Variants in SEZ6 observed in about 807,000 individuals in gnomAD.
SEZ6 encodes seizure protein 6 homolog.
A neutral mutation model predicts 101.0 loss-of-function variants in SEZ6; 53 were observed. The observed-to-expected ratio is 0.52, with a 90% confidence interval of 0.42 to 0.66. The LOEUF is 0.66. Ranked by LOEUF, SEZ6 falls within the 30% of genes least tolerant of loss-of-function variation. The probability of loss-of-function intolerance (pLI) is 0.00; values close to 1 mark genes in which losing one functional copy is unlikely to be tolerated. For missense variants in SEZ6, 1,102 were observed against 1,289.4 expected (o/e 0.85, Z 2.23); for synonymous variants, 488 against 512.2 (o/e 0.95, Z 0.64).
At chr17:28,988,101 C>G (rs554637165) in intron 1 of SEZ6, among the ~76,000 whole-genome samples, 2 of 152,370 alleles carry the variant, frequency 1.3e-5, no homozygotes, top group South Asian at 4.1e-4. Context: ...AGGAACTTCT[C>G]ATCGTCAGAA....
At chr17:29,000,732 A>G (rs2152693737) in intron 1 of SEZ6, among the ~76,000 whole-genome samples, 1 of 152,174 alleles carries the variant, frequency 6.6e-6, no homozygotes, top group East Asian at 1.9e-4. Flanking sequence ...GATGACATGG[A>G]TTCATCCTTC....
At chr17:28,980,523 C>A (rs1322453022) in intron 2 of SEZ6, among the ~76,000 whole-genome samples, 2 of 152,074 alleles carry the variant, frequency 1.3e-5, no homozygotes, top group Non-Finnish European at 2.9e-5. Context: ...GCACCCCCCA[C>A]TACGCCCGGC....
intron 10 of SEZ6, 67 bp from the exon 11 acceptor site, chr17:28,958,208 G>A: frequency 2.0e-6 from 3 of 1,524,602 alleles, no homozygotes; most frequent in Non-Finnish European, 2.7e-6. Flanking sequence ...CCCTCACCTT[G>A]AGGGCACTCT....
In SEZ6 at chr17:28,981,404, T is replaced by A; in HGVS notation, c.691A>T (p.Ile231Phe). The A allele has an allele frequency of 6.4e-7, 1 of 1,553,400 alleles. No individual in the cohort carries two copies. The highest frequency in any genetic ancestry group is 8.7e-7 in the Non-Finnish European group (1 of 1,147,920). ...TGGACTGTGGTGATGGTGGTGGTGA[T>A]GATGGTGGTGGTAGTGGTGGTCTCC... ...DEETTTTTTI[I>F]TTTITTVQTP... The change falls in exon 2 of 17, where the codon ATC becomes TTC. Residue 231 changes from isoleucine (I) to phenylalanine (F), a missense_variant. By Grantham distance (21) the Ile-to-Phe change is conservative. Coordinates refer to ENST00000317338, the MANE Select transcript of SEZ6 (RefSeq NM_178860.5).
intron 1 of SEZ6, among the ~76,000 whole-genome samples, chr17:28,983,332 A>C (rs1277027567): frequency 6.6e-6 from 1 of 152,134 alleles, no homozygotes; most frequent in East Asian, 1.9e-4. Context: ...AGGGTGAAAA[A>C]CAGGTGTAGA....
At chr17:28,986,780 A>G (rs912590368) in intron 1 of SEZ6, among the ~76,000 whole-genome samples, 1 of 152,152 alleles carries the variant, frequency 6.6e-6, no homozygotes, top group Admixed American at 6.5e-5. Context: ...GGGGCTGCCC[A>G]CTCAAGCCTC....
chr17:28,989,543 G>C (rs2041429297), intron 1 of SEZ6, among the ~76,000 whole-genome samples: 2 of 152,140 alleles, frequency 1.3e-5, no homozygotes, highest in African/African-American at 4.8e-5. Flanking sequence ...TTAGAGATGA[G>C]GGTCAAGACC....
Position 28,957,212 on chromosome 17 carries a change from C to G in SEZ6, c.2525G>C (p.Ser842Thr), listed in dbSNP as rs986157324. 1 of 1,614,032 alleles carries G rather than the reference C, an allele frequency of 6.2e-7. No individual in the cohort carries two copies. Among genetic ancestry groups the G allele is most frequent in the Non-Finnish European group, 8.5e-7 (1 of 1,179,894 alleles). The stretch of plus-strand genomic sequence containing the variant: ...ACTTCGGGCACCATTCTCAGGGGCA[C>G]TGAGACCATGGCATGGCTTGAGCTG... ...LEQLKPCHGL[S>T]APENGARSPE... The change falls in exon 13 of 17, where the codon AGT becomes ACT. Residue 842 changes from serine to threonine, a missense_variant. Ser to Thr is a moderately conservative substitution (Grantham distance 58, BLOSUM62 1). Coordinates refer to ENST00000317338, the MANE Select transcript of SEZ6 (RefSeq NM_178860.5).
At chr17:28,997,718 G>A (rs997414624) in intron 1 of SEZ6, among the ~76,000 whole-genome samples, 17 of 151,658 alleles carry the variant, frequency 1.1e-4, no homozygotes, top group East Asian at 1.9e-4. Context: ...CCCCCACCCC[G>A]ATTTCCTTTG....
intron 5 of SEZ6, 64 bp from the exon 6 acceptor site, chr17:28,961,037 T>C (rs2040970597): frequency 2.6e-6 from 4 of 1,552,350 alleles, no homozygotes; most frequent in Non-Finnish European, 2.6e-6. Flanking sequence ...CTAACATGCC[T>C]TCCTCCCTAT....
At chr17:28,982,073 C>T in intron 1 of SEZ6, 34 bp from the exon 2 acceptor site, 1 of 1,537,138 alleles carries the variant, frequency 6.5e-7, no homozygotes, top group Non-Finnish European at 8.7e-7. Context: ...AGGTTCTCCC[C>T]CTGCTCCAGA....
chr17:28,988,881 C>T (rs1247681539), intron 1 of SEZ6, among the ~76,000 whole-genome samples: 5 of 152,198 alleles, frequency 3.3e-5, no homozygotes, highest in Admixed American at 2.0e-4. Flanking sequence ...GGTTGGGACT[C>T]AGGATGGGGC....
At position 28,959,088 on chromosome 17, in the gene SEZ6, A is replaced by G; in HGVS notation, c.2044T>C (p.Phe682Leu). The G allele has an allele frequency of 6.2e-7, 1 of 1,614,000 alleles. No individual in the cohort carries two copies. The highest frequency in any genetic ancestry group is 8.5e-7 in the Non-Finnish European group (1 of 1,179,874). The change falls in exon 10 of 17, where the codon TTC (phenylalanine) becomes CTC (leucine). Residue 682 changes from phenylalanine (F) to leucine (L), a missense_variant. Coordinates refer to ENST00000317338, the MANE Select transcript of SEZ6 (RefSeq NM_178860.5). The surrounding 1 kb of genome is among the most constrained non-coding windows in gnomAD (Gnocchi z 4.4). ...FTSMADVTIQFQSDPGTSVLG... is the reference protein window; with the variant it reads ...FTSMADVTIQLQSDPGTSVLG... Reference sequence around the variant, plus strand: ...ACTGAGGTCCCGGGGTCCGACTGGAACTGAATGGTGACATCAGCCATGGAG... The same window carrying G: ...ACTGAGGTCCCGGGGTCCGACTGGAGCTGAATGGTGACATCAGCCATGGAG...
intron 3 of SEZ6, among the ~76,000 whole-genome samples, chr17:28,978,354 CTG>C (rs2041254437): frequency 6.6e-6 from 1 of 152,238 alleles, no homozygotes; most frequent in East Asian, 1.9e-4. Context: ...ATTCTGGGCT[CTG>C]CACTACAAGG....
intron 4 of SEZ6, among the ~76,000 whole-genome samples, chr17:28,967,267 A>G (rs774846040): frequency 3.9e-5 from 6 of 152,164 alleles, no homozygotes; most frequent in Non-Finnish European, 7.4e-5. Flanking sequence ...TGTCTACAAT[A>G]TGCTTGGGAG....
Position 28,959,032 on chromosome 17 carries a change from G to T in SEZ6, c.2100C>A (p.His700Gln), listed in dbSNP as rs775600906. ...GGGTAGGGACAAGCTCACCAAAGAA[G>T]TGGATGACGAAGCCCTGCTGGTAGC... is the stretch of plus-strand genomic sequence containing the variant. ...VLGYQQGFVIHFFEVPRNDTC... is the reference protein window; with the variant it reads ...VLGYQQGFVIQFFEVPRNDTC... Residue 700 changes from histidine to glutamine, a missense_variant, in exon 10 of 17, where the codon CAC becomes CAA. Transcript: ENST00000317338. The surrounding 1 kb of genome is among the most constrained non-coding windows in gnomAD (Gnocchi z 4.4). The T allele has an allele frequency of 6.2e-7, 1 of 1,612,008 alleles. No homozygotes were observed. The highest frequency in any genetic ancestry group is 1.1e-5 in the South Asian group (1 of 90,816).
intron 4 of SEZ6, among the ~76,000 whole-genome samples, chr17:28,965,862 G>A (rs1186808317): frequency 1.3e-5 from 2 of 152,186 alleles, no homozygotes; most frequent in East Asian, 3.9e-4. Context: ...GGATCAACCC[G>A]GTGCAGTGGC....
chr17:28,983,821 C>T (rs564088352), intron 1 of SEZ6, among the ~76,000 whole-genome samples: 2 of 152,204 alleles, frequency 1.3e-5, no homozygotes, highest in African/African-American at 2.4e-5. Flanking sequence ...TTCCTCCGCA[C>T]GTCTGGTGGT....
At position 28,979,766 on chromosome 17, in the gene SEZ6, G is replaced by A; in HGVS notation, c.772C>T (p.Pro258Ser). The A allele has an allele frequency of 1.9e-6, 3 of 1,613,430 alleles. No homozygotes were observed. The highest frequency in any genetic ancestry group is 1.3e-5 in the African/African-American group (1 of 75,018). Reference protein sequence around the residue: ...FSGPEGSLDSPTDLSSPTDVG... With the variant: ...FSGPEGSLDSSTDLSSPTDVG... ...TCAGTGGGGGAGCTGAGGTCTGTAGGGGAGTCCAGAGAGCCCTCTGGGCCT... is the reference window on the plus strand; with the variant it reads ...TCAGTGGGGGAGCTGAGGTCTGTAGAGGAGTCCAGAGAGCCCTCTGGGCCT... Residue 258 changes from proline (P) to serine (S), a missense_variant, in exon 3 of 17, where the codon CCT (proline) becomes TCT (serine). Physicochemically the swap from Pro to Ser is moderately conservative, Grantham distance 74. Around this residue, in one of 3 missense-constraint regions of SEZ6, gnomAD observed 406 missense variants for 418.6 expected, o/e 0.97. Coordinates refer to ENST00000317338, the MANE Select transcript of SEZ6 (RefSeq NM_178860.5).
Sources: gnomAD v4.1 joint callset for allele counts (sites outside exome capture counted in the v4.1 genomes callset) on GRCh38, gnomAD v4.1.1 for gene constraint, gnomAD v4.1.1 regional missense constraint, Gnocchi (gnomAD v3.1) non-coding constraint, MANE v1.5 for transcripts, NCBI Gene and HGNC (gene_info 2026-07-23, HGNC 2026-07-21) for gene names.